The following MST1R variants were observed in gnomAD, a reference collection of about 807,000 sequenced individuals.
The protein encoded by MST1R is macrophage stimulating 1 receptor.
In MST1R, 99 loss-of-function variants were observed where a neutral mutation model predicts 117.8. That is an observed-to-expected ratio of 0.84 (90% CI 0.71 to 0.99). The LOEUF is 0.99. Ranked by LOEUF, MST1R falls within the 50% of genes least tolerant of loss-of-function variation. The pLI is 0.00. For synonymous variants in MST1R, 734 were observed against 765.3 expected, an observed-to-expected ratio of 0.96 and a Z score of 0.68; for missense variants, 1,683 against 1,840.2, an observed-to-expected ratio of 0.91 and a Z score of 1.56.
At chr3:49,892,910 A>G (rs535899619) in intron 14 of MST1R, among the ~76,000 whole-genome samples, 3 of 152,012 alleles carry the variant, frequency 2.0e-5, no homozygotes, top group Non-Finnish European at 4.4e-5. Context: ...CAGTGAGCCG[A>G]GATTGCACTA....
At chr3:49,893,628 G>C (rs1313619857) in intron 14 of MST1R, among the ~76,000 whole-genome samples, 1 of 146,830 alleles carries the variant, frequency 6.8e-6, no homozygotes, top group African/African-American at 2.5e-5. Context: ...GGCCGGGCGC[G>C]GTGGCTCACA....
chr3:49,891,832 A>G lies in MST1R; in HGVS notation c.3278T>C (p.Phe1093Ser). 6.2e-7 allele frequency: 1 copy of G among 1,614,178 alleles called. No individual in the cohort carries two copies. The highest frequency in any genetic ancestry group is 8.5e-7 in the Non-Finnish European group (1 of 1,180,034). Residue 1093 changes from phenylalanine to serine, a missense_variant, in exon 15 of 20, where the codon TTT becomes TCT. By Grantham distance (155) the Phe-to-Ser change is radical (BLOSUM62 -2). Transcript: ENST00000296474. ...HSDRVIGKGH[F>S]GVVYHGEYID... ...GTATTCTCCGTGGTAGACAACTCCA[A>G]AGTGGCCTGGTGTGAGGTGCATAAT...
At position 49,903,840 on chromosome 3, in the gene MST1R, G is replaced by C. The variant is rs2082775682; in HGVS notation, c.-231C>G. On this transcript the variant is annotated 5_prime_UTR_variant, in exon 1 of 20. Transcript: ENST00000296474. ...GACGCACGACAGCAACGCCCCAGCC[G>C]CCTCACCTGCCGCCCCAGCCGCCGC... 3.6e-6 allele frequency: 2 copies of C among 558,314 alleles called. No individual in the cohort carries two copies. Among genetic ancestry groups the C allele is most frequent in the African/African-American group, 3.9e-5 (2 of 51,906 alleles). The allele number at this position is 558,314 out of a possible 1,614,324, so 34.6% of individuals were successfully genotyped here.
chr3:49,895,400 G>A (rs377195701), intron 13 of MST1R, 27 bp from the exon 14 acceptor site: 6 of 1,614,032 alleles, frequency 3.7e-6, no homozygotes, highest in African/African-American at 1.3e-5. Context: ...TGAGGAGCTT[G>A]TAGGGACAGG....
At chr3:49,898,418 AC>A (rs1295848599) in intron 4 of MST1R, 99 bp downstream of exon 4, 6 of 1,467,192 alleles carry the variant, frequency 4.1e-6, no homozygotes, top group Non-Finnish European at 5.5e-6. Context: ...TATGAAGGAC[AC>A]CCCCCAGACC....
At position 49,889,963 on chromosome 3, in the gene MST1R, C is replaced by A; in HGVS notation, c.3908G>T (p.Gly1303Val). Residue 1303 changes from glycine (G) to valine (V), a missense_variant, in exon 19 of 20, where the codon GGT (glycine) becomes GTT (valine). Gly to Val is a moderately radical substitution (Grantham distance 109). Transcript: ENST00000296474. ...PFDLTHFLAQ[G>V]RRLPQPEYCP... ...ATACTCAGGCTGGGGCAGGCGCCGA[C>A]CCTGGGCCAGGAAGTGGGTAAGGTC... 2 of 1,614,134 alleles carry A rather than the reference C, an allele frequency of 1.2e-6. No homozygotes were observed. The highest frequency in any genetic ancestry group is 8.5e-7 in the Non-Finnish European group (1 of 1,180,010).
At chr3:49,896,138 A>G (rs750361469) in intron 10 of MST1R, 31 bp from the exon 11 acceptor site, 63 of 1,614,008 alleles carry the variant, frequency 3.9e-5, no homozygotes, top group Admixed American at 1.7e-4. Flanking sequence ...ACCAGCCAGT[A>G]GGCTGGCCCC....
chr3:49,890,092 T>A, intron 18 of MST1R, 32 bp from the exon 19 acceptor site: 1 of 1,553,016 alleles, frequency 6.4e-7, no homozygotes, highest in Non-Finnish European at 8.7e-7. Context: ...GGGACTCAAC[T>A]CACCCCAAAT....
At chr3:49,890,416 C>G in intron 18 of MST1R, 69 bp downstream of exon 18, 1 of 1,523,240 alleles carries the variant, frequency 6.6e-7, no homozygotes, top group Non-Finnish European at 8.9e-7. Context: ...TCATTCAGAG[C>G]TGAATGGGTG....
intron 1 of MST1R, among the ~76,000 whole-genome samples, chr3:49,902,167 C>T (rs1026037816): frequency 5.9e-5 from 9 of 152,044 alleles, no homozygotes; most frequent in Non-Finnish European, 2.9e-5. Context: ...GAGGCAGCCA[C>T]AAGGGCCAGC....
chr3:49,892,883 C>T (rs111873781), intron 14 of MST1R, among the ~76,000 whole-genome samples: 11,542 of 151,920 alleles, frequency 0.076, 592 homozygotes, highest in Non-Finnish European at 0.12. Flanking sequence ...ATGCTTGAAT[C>T]CAGGAGGCAG....
At chr3:49,896,963 T>C in intron 7 of MST1R, 73 bp from the exon 8 acceptor site, 2 of 1,426,670 alleles carry the variant, frequency 1.4e-6, no homozygotes, top group East Asian at 5.0e-5. Context: ...CAGGGGCCTG[T>C]TGACCTCTCC....
At chr3:49,890,172 C>G in intron 18 of MST1R, 112 bp from the exon 19 acceptor site, 2 of 1,340,358 alleles carry the variant, frequency 1.5e-6, no homozygotes. Context: ...AAGACCCTAC[C>G]CTCCACTGAG....
At chr3:49,901,981 C>T (rs928147079) in intron 1 of MST1R, among the ~76,000 whole-genome samples, 3 of 151,652 alleles carry the variant, frequency 2.0e-5, no homozygotes, top group Admixed American at 6.6e-5. Context: ...TATTTTTCTG[C>T]GTGTGTCCCT....
At chr3:49,895,608 G>C in intron 12 of MST1R, 60 bp from the exon 13 acceptor site, 2 of 1,611,478 alleles carry the variant, frequency 1.2e-6, no homozygotes, top group Non-Finnish European at 1.7e-6. Flanking sequence ...CGACCCCTCT[G>C]GGGAGGACTT....
rs746705991 is a variant in MST1R, at chr3:49,896,091, G to A, written c.2666C>T (p.Ala889Val). The change falls in exon 11 of 20, where the codon GCT becomes GTT. Residue 889 changes from alanine to valine, a missense_variant. Coordinates refer to ENST00000296474, the MANE Select transcript of MST1R (RefSeq NM_002447.4). Reference sequence around the variant, plus strand: ...GTTGATACCCACACAGTCAGCCACAGCGCCCAGCCCAATATACTGCAGAGA... The same window carrying A: ...GTTGATACCCACACAGTCAGCCACAACGCCCAGCCCAATATACTGCAGAGA... ...AIKFEYIGLG[A>V]VADCVGINVT... The A allele has an allele frequency of 1.2e-5, 19 of 1,612,412 alleles. 1 individual carries two copies. The Middle Eastern group carries it at 8.3e-4, about 70-fold the overall frequency.
intron 5 of MST1R, 139 bp downstream of exon 5, chr3:49,897,912 G>T: frequency 7.8e-7 from 1 of 1,276,922 alleles, no homozygotes; most frequent in Non-Finnish European, 1.1e-6. Context: ...AGACCTTTTT[G>T]ACTCTCAAAA....
At position 49,895,230 on chromosome 3, in the gene MST1R, C is replaced by T. The variant is rs1303387397; in HGVS notation, c.3208G>A (p.Val1070Ile). 1 of 1,614,248 alleles carries T rather than the reference C, an allele frequency of 6.2e-7. No homozygotes were observed. Among genetic ancestry groups the T allele is most frequent in the East Asian group, 2.2e-5 (1 of 44,888 alleles). The part of the protein sequence containing the change: ...RDLDSALLAE[V>I]KDVLIPHERV... ...TCATGGGGAATCAGCACATCCTTGA[C>T]CTCAGCCAAGAGCGCAGAGTCCAGG... The change falls in exon 14 of 20, where the codon GTC (valine) becomes ATC (isoleucine). Residue 1070 changes from valine to isoleucine, a missense_variant. Val to Ile is a conservative substitution (Grantham distance 29). Transcript: ENST00000296474.
rs2082544757 is a variant in MST1R at position 49,898,124 on chromosome 3, G to A, written c.1807C>T (p.Pro603Ser). ...NFYLHPSGLVPEGTHQVTVGQ... is the reference protein window; with the variant it reads ...NFYLHPSGLVSEGTHQVTVGQ... ...ACAGTGACCTGATGGGTTCCCTCAG[G>A]CACCAGACCAGAAGGGTGAAGGTAG... Residue 603 changes from proline to serine, a missense_variant, in exon 5 of 20, where the codon CCT becomes TCT. Pro to Ser is a moderately conservative substitution (Grantham distance 74). Coordinates refer to ENST00000296474, the MANE Select transcript of MST1R (RefSeq NM_002447.4). The A allele has an allele frequency of 1.9e-6, 3 of 1,614,092 alleles. No individual in the cohort carries two copies. Among genetic ancestry groups the A allele is most frequent in the Non-Finnish European group, 2.5e-6 (3 of 1,180,032 alleles).
Sources: allele counts gnomAD v4.1 joint callset (sites outside exome capture counted in the v4.1 genomes callset), GRCh38; gene constraint gnomAD v4.1.1; transcripts MANE v1.5; gene names NCBI Gene and HGNC (gene_info 2026-07-23, HGNC 2026-07-21).